Variants in NXPH1 observed in about 807,000 individuals in gnomAD.
The protein encoded by NXPH1 is neurexophilin-1.
In NXPH1, 5 loss-of-function variants were observed where a neutral mutation model predicts 23.7. The ratio of observed to expected loss-of-function variants is 0.21; its 90% CI spans 0.11 to 0.44. The LOEUF (loss-of-function observed/expected upper bound fraction) is 0.44. Among genes scored for constraint, NXPH1 ranks in the 20% least tolerant of loss-of-function variants. The probability of loss-of-function intolerance (pLI) is 0.99; values close to 1 mark genes in which losing one functional copy is unlikely to be tolerated. For synonymous variants in NXPH1, 144 were observed against 122.2 expected (o/e 1.18, Z -1.18); for missense variants, 324 against 321.6 (o/e 1.01, Z -0.06).
intron 2 of NXPH1, among the ~76,000 whole-genome samples, chr7:8,572,778 TATATC>T (rs1818674292): frequency 6.6e-6 from 1 of 151,930 alleles, no homozygotes; most frequent in African/African-American, 2.4e-5. Context: ...ATTCAACAAA[TATATC>T]AAACAGAATA....
rs1185488687 is a variant in NXPH1, at chr7:8,709,318, C to A, written c.55-41690C>A. Among the ~76,000 whole-genome samples the A allele has an allele frequency of 2.6e-5, 4 of 151,432 alleles. No individual in the cohort carries two copies. In the South Asian group the frequency reaches 8.4e-4, roughly 32 times the overall value. On this transcript the variant is annotated intron_variant, in intron 2 of 2. Transcript: ENST00000405863. Reference sequence around the variant, plus strand: ...TTCACATGCTCCCTTTGCCTTGATACCTTCAGTTTTTAAAATTGTTAAATG... The same window carrying A: ...TTCACATGCTCCCTTTGCCTTGATAACTTCAGTTTTTAAAATTGTTAAATG...
chr7:8,591,893 T>G (rs565286171), intron 2 of NXPH1, among the ~76,000 whole-genome samples: 1 of 151,758 alleles, frequency 6.6e-6, no homozygotes, highest in African/African-American at 2.4e-5. Flanking sequence ...TCCTTATGTT[T>G]GAGGACAAGT....
At chr7:8,526,327 A>G (rs1018332209) in intron 2 of NXPH1, among the ~76,000 whole-genome samples, 1 of 152,192 alleles carries the variant, frequency 6.6e-6, no homozygotes, top group Non-Finnish European at 1.5e-5. Flanking sequence ...TCTAGGAAGT[A>G]ACTAGCTTGC....
chr7:8,465,155 A>G (rs1053968456), intron 2 of NXPH1, among the ~76,000 whole-genome samples: 1 of 152,252 alleles, frequency 6.6e-6, no homozygotes, highest in African/African-American at 2.4e-5. Context: ...CCCAAAATCT[A>G]AAAGAAAAGC....
chr7:8,626,864 C>T (rs182053033), intron 2 of NXPH1, among the ~76,000 whole-genome samples: 270 of 152,172 alleles, frequency 1.8e-3, no homozygotes, highest in African/African-American at 6.1e-3. Context: ...GGCACTCTGC[C>T]TACTTACCTT....
rs1238691920 is a variant in NXPH1 at position 8,443,470 on chromosome 7, T to A, written c.54+7703T>A. 3.9e-5 allele frequency among the ~76,000 whole-genome samples: 6 copies of A among 152,186 alleles called. 1 individual carries two copies. Among genetic ancestry groups the A allele is most frequent in the Non-Finnish European group, 1.5e-5 (1 of 68,034 alleles). On this transcript the variant is annotated intron_variant, in intron 2 of 2. Coordinates refer to ENST00000405863, the MANE Select transcript of NXPH1 (RefSeq NM_152745.3). ...CAACTTATTCGCAAGAGTAAAACCC[T>A]ATGGGGAGAAGCGATTCCTGCCCCT...
At chr7:8,734,399 A>G (rs1360601834) in intron 2 of NXPH1, among the ~76,000 whole-genome samples, 3 of 152,238 alleles carry the variant, frequency 2.0e-5, no homozygotes, top group Middle Eastern at 3.4e-3. Flanking sequence ...AGTTTTTTCT[A>G]ATTCTGCAAA....
intron 2 of NXPH1, among the ~76,000 whole-genome samples, chr7:8,501,376 C>T (rs893082948): frequency 1.3e-5 from 2 of 151,896 alleles, no homozygotes; most frequent in South Asian, 4.2e-4. Context: ...AGCCTGAGTG[C>T]CTGGACACAG....
chr7:8,650,599 T>C (rs1229549854), intron 2 of NXPH1, among the ~76,000 whole-genome samples: 1 of 152,180 alleles, frequency 6.6e-6, no homozygotes, highest in Admixed American at 6.6e-5. Flanking sequence ...TCCTTTTTGT[T>C]TTTATTTTTC....
intron 2 of NXPH1, among the ~76,000 whole-genome samples, chr7:8,696,635 C>G (rs535761169): frequency 6.6e-6 from 1 of 152,012 alleles, no homozygotes; most frequent in South Asian, 2.1e-4. Flanking sequence ...GAGCAAAAGT[C>G]TTAGGGCTGA....
chr7:8,653,614 A>T (rs1227342881), intron 2 of NXPH1, among the ~76,000 whole-genome samples: 1 of 152,224 alleles, frequency 6.6e-6, no homozygotes, highest in African/African-American at 2.4e-5. Flanking sequence ...ATTTTCAAAG[A>T]AGGATAGTCT....
intron 2 of NXPH1, among the ~76,000 whole-genome samples, chr7:8,497,931 C>G (rs553036861): frequency 1.3e-5 from 2 of 152,104 alleles, no homozygotes; most frequent in East Asian, 1.9e-4. Context: ...TCATGAAGTC[C>G]TTGCCCATAC....
chr7:8,610,454 G>A (rs1422919099), intron 2 of NXPH1, among the ~76,000 whole-genome samples: 1 of 152,054 alleles, frequency 6.6e-6, no homozygotes, highest in African/African-American at 2.4e-5. Flanking sequence ...TATGGCTTAT[G>A]ACATTTCAGA....
chr7:8,521,340 A>G (rs910111688), intron 2 of NXPH1, among the ~76,000 whole-genome samples: 1 of 152,162 alleles, frequency 6.6e-6, no homozygotes, highest in Non-Finnish European at 1.5e-5. Flanking sequence ...CAGTTTTCCT[A>G]TTCTCTTGGA....
intron 2 of NXPH1, among the ~76,000 whole-genome samples, chr7:8,461,844 A>AAAAAAAAAAAAAAAG (rs1429454852): frequency 5.9e-5 from 5 of 85,152 alleles, no homozygotes; most frequent in East Asian, 1.2e-3. Context: ...CTCAAAAAAA[A>AAAAAAAAAAAAAAAG]AAAAAAAGAA....
intron 2 of NXPH1, among the ~76,000 whole-genome samples, chr7:8,636,656 T>G (rs1820222693): frequency 6.6e-6 from 1 of 152,192 alleles, no homozygotes; most frequent in African/African-American, 2.4e-5. Context: ...TAGGAAAGCA[T>G]GCTGTGATTG....
At position 8,435,882 on chromosome 7, in the gene NXPH1, C is replaced by G. The variant is rs1302078128; in HGVS notation, c.54+115C>G. 3 of 1,010,438 alleles carry G rather than the reference C, an allele frequency of 3.0e-6. No homozygotes were observed. In the African/African-American group the frequency reaches 4.8e-5, roughly 16 times the overall value. 62.6% of individuals were successfully genotyped at this position (1,010,438 alleles called of 1,614,324 possible). On this transcript the variant is annotated intron_variant, in intron 2 of 2. Transcript: ENST00000405863. This position sits in a 1 kb window ranked among gnomAD's most constrained non-coding sequence, Gnocchi z 5.9. ...CAGTTCAGTGAGAGCAGCTTCCTAG[C>G]AGCTGTGTTGGAGCAACTTTGGCAA...
At chr7:8,526,020 G>A (rs1331094180) in intron 2 of NXPH1, among the ~76,000 whole-genome samples, 1 of 152,176 alleles carries the variant, frequency 6.6e-6, no homozygotes, top group Non-Finnish European at 1.5e-5. Flanking sequence ...CAGACAGCTT[G>A]CACCATGCAC....
At chr7:8,747,514 G>A (rs774929212) in intron 2 of NXPH1, among the ~76,000 whole-genome samples, 1 of 152,274 alleles carries the variant, frequency 6.6e-6, no homozygotes, top group East Asian at 1.9e-4. Context: ...CATCATGAAA[G>A]CATCTCAATA....
Sources: gnomAD v4.1 joint callset for allele counts (sites outside exome capture counted in the v4.1 genomes callset) on GRCh38, gnomAD v4.1.1 for gene constraint, Gnocchi (gnomAD v3.1) non-coding constraint, MANE v1.5 for transcripts, NCBI Gene and HGNC (gene_info 2026-07-23, HGNC 2026-07-21) for gene names.